Variants in FAM9B observed in about 807,000 individuals in gnomAD.
FAM9B encodes protein FAM9B.
A neutral mutation model predicts 16.6 loss-of-function variants in FAM9B; 18 were observed. The ratio of observed to expected loss-of-function variants is 1.09; its 90% confidence interval spans 0.75 to 1.61. The LOEUF (loss-of-function observed/expected upper bound fraction) is 1.61, where lower values mean the gene tolerates loss of function less well. Among genes scored for constraint, FAM9B ranks in the 40% most tolerant of loss-of-function variants. The probability of loss-of-function intolerance (pLI) is 0.00; values close to 1 mark genes in which losing one functional copy is unlikely to be tolerated. For synonymous variants in FAM9B, 43 were observed against 42.6 expected (o/e 1.01, Z -0.03); for missense variants, 155 against 136.0 (o/e 1.14, Z -0.70).
chrX:9,028,928 C>T (rs1228480198), intron 6 of FAM9B, among the ~76,000 whole-genome samples: 5 of 111,271 alleles, frequency 4.5e-5, no homozygotes, highest in Admixed American at 9.6e-5. Context: ...TGCCCACTCC[C>T]GTGTGCTCAG....
chrX:9,033,681 G>GGCCCCCCCCCCCCCCC, intron 1 of FAM9B, 171 bp downstream of exon 1: 1 of 147,912 alleles, frequency 6.8e-6, no homozygotes, highest in Non-Finnish European at 1.1e-5. Context: ...CCCTGCCCTG[G>GGCCCCCCCCCCCCCCC]CCCACCCCAG....
chrX:9,033,352 T>G (rs1404483643), intron 1 of FAM9B: 3 of 1,012,034 alleles, frequency 3.0e-6, no homozygotes, highest in East Asian at 7.3e-5. Flanking sequence ...CAGCCCTACC[T>G]CTGAGTCACC....
intron 5 of FAM9B, among the ~76,000 whole-genome samples, chrX:9,029,724 T>C (rs947720935): frequency 3.6e-5 from 4 of 111,977 alleles, no homozygotes; most frequent in Non-Finnish European, 7.5e-5. Flanking sequence ...TTCCTCTTAC[T>C]GAATAACATA....
chrX:9,032,195 A>G, intron 3 of FAM9B, 34 bp from the exon 4 acceptor site: 1 of 1,200,084 alleles, frequency 8.3e-7, no homozygotes, highest in Non-Finnish European at 1.1e-6. Context: ...TTTTAACAAA[A>G]TACTACACAA....
At chrX:9,028,402 T>C (rs1920988267) in intron 6 of FAM9B, among the ~76,000 whole-genome samples, 1 of 111,546 alleles carries the variant, frequency 9.0e-6, no homozygotes, top group Admixed American at 9.6e-5. Context: ...TTCTGCACCC[T>C]GACCTAATCT....
intron 4 of FAM9B, chrX:9,031,683 C>G (rs756675353): frequency 8.7e-6 from 1 of 115,021 alleles, no homozygotes; most frequent in Admixed American, 9.1e-5. Context: ...TGCTTATAAA[C>G]TGGGTGACAA....
intron 6 of FAM9B, among the ~76,000 whole-genome samples, chrX:9,029,032 G>C (rs962484247): frequency 3.6e-5 from 4 of 111,438 alleles, no homozygotes; most frequent in South Asian, 3.8e-4. Flanking sequence ...CAATCTGCTC[G>C]GCTACACCCC....
chrX:9,028,835 C>T lies in FAM9B; in HGVS notation c.393+472G>A, dbSNP rs1465249799. On this transcript the variant is annotated intron_variant, in intron 6 of 8. Coordinates refer to ENST00000327220, the MANE Select transcript of FAM9B (RefSeq NM_205849.3). Reference sequence around the variant, plus strand: ...CATACAGCCACTACCTCCCTGCCATCGTAGGTCACTCACTTCAGTACTACA... The same window carrying T: ...CATACAGCCACTACCTCCCTGCCATTGTAGGTCACTCACTTCAGTACTACA... Among the ~76,000 whole-genome samples, 7 of 111,362 alleles carry T rather than the reference C, an allele frequency of 6.3e-5. No homozygotes were observed. In the Admixed American group the frequency reaches 6.7e-4, roughly 11 times the overall value.
intron 5 of FAM9B, 102 bp downstream of exon 5, chrX:9,030,159 T>G (rs1370018752): frequency 8.7e-7 from 1 of 1,151,910 alleles, no homozygotes; most frequent in African/African-American, 1.8e-5. Context: ...TGTTGTTCAC[T>G]AGAGACGCCA....
In FAM9B at chrX:9,032,388, A is replaced by G. The variant is rs1921103166; in HGVS notation, c.102T>C (p.Asp34=). 8.3e-7 allele frequency: 1 copy of G among 1,209,909 alleles called. No individual in the cohort carries two copies. Residue 34 remains aspartate (D), a synonymous_variant, in exon 3 of 9, where the codon GAT becomes GAC. Transcript: ENST00000327220. ...CAAAAGGTTCTCTTTCCCCATGCTC[A>G]TCAGTTACATCTTCCTCCCTTGTTT... ...FTETREEDVT[D]EHGEREPFAE...
At chrX:9,032,865 G>C (rs1921127312) in intron 2 of FAM9B, 94 bp downstream of exon 2, 2 of 1,120,955 alleles carry the variant, frequency 1.8e-6, no homozygotes, top group Admixed American at 5.1e-5. Flanking sequence ...GGGGCCTGGG[G>C]CCTCGGGCTG....
Position 9,034,062 on chromosome X carries a change from C to CA in FAM9B, c.-301dup, listed in dbSNP as rs200861694. Reference sequence around the variant, plus strand: ...TCCCAAAAAAAACAAAACAAAAAAACAAAAAAAAAGAAAAGTAAAGAAAAC... The same window carrying CA: ...TCCCAAAAAAAACAAAACAAAAAAACAAAAAAAAAAGAAAAGTAAAGAAAAC... On this transcript the variant is annotated 5_prime_UTR_variant, in exon 1 of 9. Coordinates refer to ENST00000327220, the MANE Select transcript of FAM9B (RefSeq NM_205849.3). 5.7e-3 allele frequency: 1,248 copies of CA among 220,573 alleles called. 10 individuals carry two copies. Among genetic ancestry groups the CA allele is most frequent in the African/African-American group, 0.029 (960 of 32,884 alleles). 18.2% of individuals were successfully genotyped at this position (220,573 alleles called of 1,213,427 possible). A position where few individuals can be genotyped will look rare whatever the true frequency, so the allele number is the denominator to read the frequency against.
chrX:9,033,475 C>G, intron 1 of FAM9B: 1 of 497,091 alleles, frequency 2.0e-6, no homozygotes, highest in Non-Finnish European at 2.5e-6. Context: ...GCACAGGGGA[C>G]CCCCGGTGAC....
intron 4 of FAM9B, 83 bp downstream of exon 4, chrX:9,032,047 G>A (rs1238623496): frequency 2.0e-5 from 17 of 868,572 alleles, no homozygotes; most frequent in Non-Finnish European, 2.3e-5. Flanking sequence ...CAGTCTTGTC[G>A]TCCACTAATT....
intron 2 of FAM9B, chrX:9,032,733 C>G: frequency 1.9e-6 from 1 of 539,595 alleles, no homozygotes; most frequent in Non-Finnish European, 2.9e-6. Flanking sequence ...AAGAGCTGCT[C>G]TGAGAGCATC....
intron 4 of FAM9B, chrX:9,030,605 A>T (rs1244788213): frequency 7.3e-5 from 18 of 248,080 alleles, no homozygotes; most frequent in Admixed American, 5.3e-4. Context: ...CACTTAATTG[A>T]CAGATGATGA....
intron 4 of FAM9B, 93 bp from the exon 5 acceptor site, chrX:9,030,453 T>C (rs1220384433): frequency 1.4e-5 from 8 of 570,083 alleles, no homozygotes; most frequent in Non-Finnish European, 2.1e-5. Context: ...TATGGGACTT[T>C]ATGGTTCAGC....
intron 4 of FAM9B, 103 bp from the exon 5 acceptor site, chrX:9,030,463 C>G (rs1921037651): frequency 2.0e-6 from 1 of 507,637 alleles, no homozygotes; most frequent in East Asian, 4.1e-5. Flanking sequence ...TATGGTTCAG[C>G]AATTTCAGAA....
chrX:9,033,401 C>G, intron 1 of FAM9B: 5 of 960,262 alleles, frequency 5.2e-6, no homozygotes, highest in Non-Finnish European at 6.5e-6. Flanking sequence ...CTGGGTGACA[C>G]AGGATCTCCC....
Sources: allele counts gnomAD v4.1 joint callset (sites outside exome capture counted in the v4.1 genomes callset), GRCh38; gene constraint gnomAD v4.1.1; transcripts MANE v1.5; gene names NCBI Gene and HGNC (gene_info 2026-07-23, HGNC 2026-07-21).